Variants in RNF152 observed in about 807,000 individuals in gnomAD.
RNF152 encodes ring finger protein 152.
Under a neutral mutation model 12.7 loss-of-function variants are expected in RNF152, and 11 were observed. The observed-to-expected ratio is 0.86, with a 90% confidence interval of 0.54 to 1.43. The LOEUF (loss-of-function observed/expected upper bound fraction) is 1.43, where lower values mean the gene tolerates loss of function less well. Among genes scored for constraint, RNF152 ranks in the 40% most tolerant of loss-of-function variants. The pLI is 0.00. For missense variants in RNF152, 255 were observed against 274.8 expected, an observed-to-expected ratio of 0.93 and a Z score of 0.51; for synonymous variants, 113 against 120.3, an observed-to-expected ratio of 0.94 and a Z score of 0.40.
intron 1 of RNF152, among the ~76,000 whole-genome samples, chr18:61,857,028 G>A (rs7230956): frequency 0.11 from 17,167 of 152,094 alleles, 1,520 homozygotes; most frequent in East Asian, 0.43. Context: ...GTAAAACAAG[G>A]AGAAACCAGC....
intron 1 of RNF152, among the ~76,000 whole-genome samples, chr18:61,891,863 G>C (rs73004444): frequency 0.17 from 25,349 of 152,184 alleles, 2,464 homozygotes; most frequent in African/African-American, 0.25. Context: ...AAAGAGAGTA[G>C]ACCAGGAGCC....
At chr18:61,869,594 C>T (rs1472606887) in intron 1 of RNF152, among the ~76,000 whole-genome samples, 2 of 152,188 alleles carry the variant, frequency 1.3e-5, no homozygotes, top group Non-Finnish European at 1.5e-5. Context: ...AAGGATGTAG[C>T]AAAGTTTGGC....
At chr18:61,840,454 G>A (rs1380001086) in intron 1 of RNF152, among the ~76,000 whole-genome samples, 1 of 152,116 alleles carries the variant, frequency 6.6e-6, no homozygotes, top group Non-Finnish European at 1.5e-5. Context: ...ATGGGGGTGG[G>A]GTGGGTATTC....
chr18:61,877,704 G>T (rs1207111492), intron 1 of RNF152, among the ~76,000 whole-genome samples: 1 of 152,076 alleles, frequency 6.6e-6, no homozygotes, highest in Non-Finnish European at 1.5e-5. Context: ...GAAATTACAA[G>T]AATTATTGCA....
intron 1 of RNF152, among the ~76,000 whole-genome samples, chr18:61,848,620 G>T (rs2144689226): frequency 6.6e-6 from 1 of 152,322 alleles, no homozygotes; most frequent in African/African-American, 2.4e-5. Flanking sequence ...TCTATGCAGG[G>T]TTAAGGGTCC....
rs564628612 is a variant in RNF152, at chr18:61,829,981, A to G, written c.-135-13383T>C. On this transcript the variant is annotated intron_variant, in intron 1 of 1. Transcript: ENST00000312828. Reference sequence around the variant, plus strand: ...GTGTACAATTCAGTGGCTTTAAGTCACCATCATGTGTAGCCATCGTCCCCA... The same window carrying G: ...GTGTACAATTCAGTGGCTTTAAGTCGCCATCATGTGTAGCCATCGTCCCCA... Among the ~76,000 whole-genome samples, 122 of 151,286 alleles carry G rather than the reference A, an allele frequency of 8.1e-4. 2 individuals are homozygous for G. In the South Asian group the frequency reaches 0.025, roughly 31 times the overall value.
At chr18:61,822,040 A>G (rs1909440480) in intron 1 of RNF152, among the ~76,000 whole-genome samples, 1 of 152,220 alleles carries the variant, frequency 6.6e-6, no homozygotes, top group Non-Finnish European at 1.5e-5. Flanking sequence ...ATACTCCAAT[A>G]AAATACTCAT....
In RNF152 at chr18:61,820,331, C is replaced by CAAAAAAAAAAAA. The variant is rs1344591753; in HGVS notation, c.-135-3745_-135-3734dup. 1.8e-4 allele frequency among the ~76,000 whole-genome samples: 7 copies of CAAAAAAAAAAAA among 39,980 alleles called. 3 individuals are homozygous for CAAAAAAAAAAAA. Among genetic ancestry groups the CAAAAAAAAAAAA allele is most frequent in the African/African-American group, 4.4e-4 (3 of 6,832 alleles). The allele number at this position is 39,980 out of a possible 152,430, so 26.2% of individuals were successfully genotyped here. On this transcript the variant is annotated intron_variant, in intron 1 of 1. Transcript: ENST00000312828. ...GTGACAGAGAGAGACTCCGTCTCAC[C>CAAAAAAAAAAAA]AAAAAAAAAAAAAAAAAAAAAAAAA...
At position 61,815,049 on chromosome 18, in the gene RNF152, C is replaced by T. The variant is rs1002359893; in HGVS notation, c.*803G>A. 27 of 152,716 alleles carry T rather than the reference C, an allele frequency of 1.8e-4. No homozygotes were observed. Among genetic ancestry groups the T allele is most frequent in the African/African-American group, 5.8e-4 (24 of 41,546 alleles). The allele number at this position is 152,716 out of a possible 1,614,324, so 9.5% of individuals were successfully genotyped here. A position where few individuals can be genotyped will look rare whatever the true frequency, so the allele number is the denominator to read the frequency against. On this transcript the variant is annotated 3_prime_UTR_variant, in exon 2 of 2. Transcript: ENST00000312828. ...AAATCAAATTAGACACACACACATA[C>T]ACACACAAATACACAATATTTACAT...
intron 1 of RNF152, among the ~76,000 whole-genome samples, chr18:61,836,555 GA>G (rs909417725): frequency 2.0e-5 from 3 of 152,122 alleles, no homozygotes; most frequent in Non-Finnish European, 4.4e-5. Context: ...CTGCAAACCA[GA>G]AAGAAGGTTC....
intron 1 of RNF152, among the ~76,000 whole-genome samples, chr18:61,847,083 G>A (rs113558082): frequency 1.2e-3 from 187 of 151,936 alleles, no homozygotes; most frequent in African/African-American, 3.9e-3. Flanking sequence ...AGCAAACACC[G>A]GTACTCCTCC....
chr18:61,821,509 A>C (rs1417958354), intron 1 of RNF152, among the ~76,000 whole-genome samples: 1 of 152,248 alleles, frequency 6.6e-6, no homozygotes, highest in Non-Finnish European at 1.5e-5. Context: ...TTCATCATGA[A>C]GTCTAAAGAT....
intron 1 of RNF152, among the ~76,000 whole-genome samples, chr18:61,869,515 G>T (rs898878888): frequency 3.3e-5 from 5 of 152,190 alleles, no homozygotes; most frequent in African/African-American, 1.2e-4. Context: ...AGACCCACTT[G>T]ATAAAGGAAC....
chr18:61,848,195 A>G (rs9959429), intron 1 of RNF152, among the ~76,000 whole-genome samples: 1,566 of 152,166 alleles, frequency 0.01, 26 homozygotes, highest in African/African-American at 0.036. Flanking sequence ...CTAAAACCCT[A>G]TGAGGTAGCA....
intron 1 of RNF152, among the ~76,000 whole-genome samples, chr18:61,829,560 G>C (rs1344050293): frequency 2.0e-5 from 3 of 150,200 alleles, no homozygotes; most frequent in African/African-American, 7.4e-5. Flanking sequence ...GAGAGGGAGA[G>C]AGAGAGATTG....
intron 1 of RNF152, among the ~76,000 whole-genome samples, chr18:61,838,676 A>T (rs1011538081): frequency 2.0e-5 from 3 of 152,178 alleles, no homozygotes; most frequent in South Asian, 2.1e-4. Context: ...GACAAGGAAG[A>T]GCTGCTTTTA....
At chr18:61,862,632 A>G (rs539913215) in intron 1 of RNF152, among the ~76,000 whole-genome samples, 1 of 152,322 alleles carries the variant, frequency 6.6e-6, no homozygotes, top group African/African-American at 2.4e-5. Flanking sequence ...CACGGAGGGC[A>G]TAGAAGCTCC....
At position 61,815,140 on chromosome 18, in the gene RNF152, A is replaced by T. The variant is rs974438521; in HGVS notation, c.*712T>A. 2 of 152,620 alleles carry T rather than the reference A, an allele frequency of 1.3e-5. No homozygotes were observed. The highest frequency in any genetic ancestry group is 1.3e-4 in the Admixed American group (2 of 15,284). 9.5% of individuals were successfully genotyped at this position (152,620 alleles called of 1,614,324 possible). A position where few individuals can be genotyped will look rare whatever the true frequency, so the allele number is the denominator to read the frequency against. ...CATACAGGTTTTCCCATGGGATTAG[A>T]CATTTCTCATGATTTCTCGGTTTAT... is the stretch of plus-strand genomic sequence containing the variant. On this transcript the variant is annotated 3_prime_UTR_variant, in exon 2 of 2. Coordinates refer to ENST00000312828, the MANE Select transcript of RNF152 (RefSeq NM_173557.3).
intron 1 of RNF152, among the ~76,000 whole-genome samples, chr18:61,849,219 T>C (rs1175914674): frequency 6.6e-6 from 1 of 152,170 alleles, no homozygotes; most frequent in Non-Finnish European, 1.5e-5. Context: ...AAATCCTTTG[T>C]CTGGGGCAAA....
Sources: gnomAD v4.1 joint callset for allele counts (sites outside exome capture counted in the v4.1 genomes callset) on GRCh38, gnomAD v4.1.1 for gene constraint, MANE v1.5 for transcripts, NCBI Gene and HGNC (gene_info 2026-07-23, HGNC 2026-07-21) for gene names.